Variants in PSMC6 observed in about 807,000 individuals in gnomAD.
PSMC6 encodes the protein proteasome 26S subunit, ATPase 6.
A neutral mutation model predicts 55.9 loss-of-function variants in PSMC6; 3 were observed. The observed-to-expected ratio is 0.05, with a 90% CI of 0.02 to 0.14. The LOEUF (loss-of-function observed/expected upper bound fraction) is 0.14, where lower values mean the gene tolerates loss of function less well. PSMC6 is among the 10% of genes least tolerant of loss of function. PSMC6 has a pLI of 1.00. For synonymous variants in PSMC6, 137 were observed against 155.9 expected, an observed-to-expected ratio of 0.88 and a Z score of 0.90; for missense variants, 210 against 478.7, an observed-to-expected ratio of 0.44 and a Z score of 5.24.
intron 13 of PSMC6, among the ~76,000 whole-genome samples, chr14:52,725,880 T>C (rs1242769048): frequency 6.6e-6 from 1 of 152,236 alleles, no homozygotes; most frequent in South Asian, 2.1e-4. Context: ...GTGTGCAAGG[T>C]TTACAAAAAT....
Position 52,727,861 on chromosome 14 carries a change from G to A in PSMC6, c.*244G>A, listed in dbSNP as rs574744005. On this transcript the variant is annotated 3_prime_UTR_variant, in exon 14 of 14. Coordinates refer to ENST00000445930, the MANE Select transcript of PSMC6 (RefSeq NM_002806.5). ...TGTTGAAGCTTTTCATATTTGCTGC[G>A]TGAGCATTTTGTAAAATATTGAAAG... 3.9e-5 allele frequency: 13 copies of A among 334,816 alleles called. No individual in the cohort carries two copies. Among genetic ancestry groups the A allele is most frequent in the African/African-American group, 1.3e-4 (6 of 47,172 alleles). The allele number at this position is 334,816 out of a possible 1,614,324, so 20.7% of individuals were successfully genotyped here.
At chr14:52,709,433 C>T (rs1048252854) in intron 4 of PSMC6, 1 of 272,070 alleles carries the variant, frequency 3.7e-6, no homozygotes. Flanking sequence ...AAAACATTCA[C>T]AGAACATGGC....
intron 4 of PSMC6, 109 bp from the exon 5 acceptor site, chr14:52,710,992 T>G: frequency 1.1e-6 from 1 of 941,126 alleles, no homozygotes; most frequent in Non-Finnish European, 1.7e-6. Flanking sequence ...ATATTTGTGT[T>G]CTCTCTGGAG....
intron 7 of PSMC6, among the ~76,000 whole-genome samples, chr14:52,717,754 C>T (rs951579178): frequency 6.6e-6 from 1 of 151,866 alleles, no homozygotes; most frequent in East Asian, 1.9e-4. Flanking sequence ...GCGGTGGCTC[C>T]TGCCTGTAAT....
intron 7 of PSMC6, among the ~76,000 whole-genome samples, chr14:52,716,020 T>G (rs1208541674): frequency 3.9e-5 from 6 of 152,204 alleles, no homozygotes; most frequent in Non-Finnish European, 8.8e-5. Flanking sequence ...TGTCAACATT[T>G]GGAAGATTTG....
chr14:52,723,682 C>A, intron 12 of PSMC6: 1 of 423,530 alleles, frequency 2.4e-6, no homozygotes, highest in Non-Finnish European at 3.7e-6. Flanking sequence ...CTGGAGTTCA[C>A]ATGTGCATAG....
intron 5 of PSMC6, 120 bp downstream of exon 5, chr14:52,711,288 A>G: frequency 7.9e-7 from 1 of 1,268,840 alleles, no homozygotes; most frequent in Admixed American, 2.0e-5. Context: ...ACTAGTTTCT[A>G]ATTAAGCACA....
chr14:52,709,466 GA>G (rs2041741597), intron 4 of PSMC6: 2 of 339,172 alleles, frequency 5.9e-6, no homozygotes, highest in Non-Finnish European at 1.1e-5. Context: ...TTTAATCCAG[GA>G]ACTATAAATC....
chr14:52,717,684 A>G (rs1463084085), intron 7 of PSMC6, among the ~76,000 whole-genome samples: 1 of 152,014 alleles, frequency 6.6e-6, no homozygotes, highest in East Asian at 1.9e-4. Flanking sequence ...TGGAAAATTT[A>G]CTTGCCAAAC....
chr14:52,727,365 C>A, intron 13 of PSMC6, 134 bp from the exon 14 acceptor site: 1 of 658,702 alleles, frequency 1.5e-6, no homozygotes, highest in Non-Finnish European at 2.5e-6. Flanking sequence ...TGGTTTTTAG[C>A]AAATTACAAC....
Position 52,708,333 on chromosome 14 carries a change from C to T in PSMC6, c.110C>T (p.Thr37Ile). 6.2e-7 allele frequency: 1 copy of T among 1,612,078 alleles called. No individual in the cohort carries two copies. The highest frequency in any genetic ancestry group is 8.5e-7 in the Non-Finnish European group (1 of 1,178,298). The change falls in exon 2 of 14, where the codon ACC becomes ATC. Residue 37 changes from threonine (T) to isoleucine (I), a missense_variant. Around this residue, in one of 4 missense-constraint regions of PSMC6, gnomAD observed 101 missense variants for 250.4 expected, o/e 0.40. Transcript: ENST00000445930. ...KELREQLKEL[T>I]KQYEKSENDL... ...GTAAGGGAACAATTAAAAGAACTTA[C>T]CAAGCAGTATGAAAAGTCTGAAAAT...
At chr14:52,714,102 A>G (rs923840009) in intron 7 of PSMC6, 134 bp downstream of exon 7, 1 of 533,082 alleles carries the variant, frequency 1.9e-6, no homozygotes, top group Non-Finnish European at 3.2e-6. Context: ...GTGCAGTGGC[A>G]CAATCTGGGC....
chr14:52,718,441 T>TGTATGAAGTA (rs1471158902), intron 9 of PSMC6, 89 bp downstream of exon 9: 36 of 1,352,370 alleles, frequency 2.7e-5, no homozygotes, highest in Middle Eastern at 3.7e-4. Flanking sequence ...AATTGTGACT[T>TGTATGAAGTA]GTATGAAGTA....
chr14:52,718,595 G>A (rs2041856106), intron 9 of PSMC6: 1 of 430,822 alleles, frequency 2.3e-6, no homozygotes, highest in Non-Finnish European at 4.2e-6. Flanking sequence ...GAGACCATCT[G>A]GCCAACATGG....
intron 7 of PSMC6, 124 bp downstream of exon 7, chr14:52,714,092 G>GT (rs1390812119): frequency 3.4e-6 from 2 of 581,900 alleles, no homozygotes; most frequent in East Asian, 6.5e-5. Flanking sequence ...CCAGGCTGTA[G>GT]TGCAGTGGCA....
Position 52,718,218 on chromosome 14 carries a change from C to A in PSMC6, c.592-11C>A. The A allele has an allele frequency of 6.2e-7, 1 of 1,610,990 alleles. No individual in the cohort carries two copies. The highest frequency in any genetic ancestry group is 1.1e-5 in the South Asian group (1 of 90,940). On this transcript the variant is annotated splice_polypyrimidine_tract_variant and intron_variant, in intron 8 of 13. Coordinates refer to ENST00000445930, the MANE Select transcript of PSMC6 (RefSeq NM_002806.5). ...ATCTTATATTTACCTTACTGTTTTT[C>A]CTTTAATCAGGTTGTATCTAGTTCT... is the stretch of plus-strand genomic sequence containing the variant.
At chr14:52,717,361 G>T (rs2041841195) in intron 7 of PSMC6, among the ~76,000 whole-genome samples, 2 of 120,660 alleles carry the variant, frequency 1.7e-5, no homozygotes, top group Non-Finnish European at 3.3e-5. Flanking sequence ...TTGAGACAGA[G>T]TCTTGCTCTG....
chr14:52,707,366 C>T (rs1566655179), intron 1 of PSMC6, 62 bp downstream of exon 1: 2 of 1,601,202 alleles, frequency 1.2e-6, no homozygotes, highest in Non-Finnish European at 1.7e-6. Flanking sequence ...TCTGACAAAG[C>T]AGAAGCCTTT....
chr14:52,713,741 G>A, intron 6 of PSMC6, 140 bp from the exon 7 acceptor site: 2 of 481,200 alleles, frequency 4.2e-6, no homozygotes, highest in Non-Finnish European at 7.3e-6. Flanking sequence ...AATATAAATG[G>A]TTTTACCTAG....
Sources: allele counts gnomAD v4.1 joint callset (sites outside exome capture counted in the v4.1 genomes callset), GRCh38; gene constraint gnomAD v4.1.1; regional missense constraint gnomAD v4.1.1; transcripts MANE v1.5; gene names NCBI Gene and HGNC (gene_info 2026-07-23, HGNC 2026-07-21).